CDH4: variants seen among roughly 807,000 people sequenced by gnomAD.
CDH4 encodes cadherin 4.
CDH4 carries 33 observed loss-of-function variants against 86.0 expected under a neutral mutation model. The observed-to-expected ratio is 0.38, with a 90% CI of 0.29 to 0.51. CDH4 has a LOEUF of 0.51. Among genes scored for constraint, CDH4 ranks in the 20% least tolerant of loss-of-function variants. The pLI is 0.86. For missense variants in CDH4, 1,114 were observed against 1,307.4 expected (o/e 0.85, Z 2.28); for synonymous variants, 555 against 549.4 (o/e 1.01, Z -0.14).
rs1273103607 is a variant in CDH4 at position 61,676,281 on chromosome 20, T to C, written c.170-67282T>C. On this transcript the variant is annotated intron_variant, in intron 2 of 15. Transcript: ENST00000614565. The surrounding 1 kb of genome is among the most constrained non-coding windows in gnomAD (Gnocchi z 4.5). ...GTCTATTTGCCAGCCACAAAGACAA[T>C]CTTTATAAAACTCAGGTTAGGAAAT... 6.6e-6 allele frequency among the ~76,000 whole-genome samples: 1 copy of C among 152,096 alleles called. No individual in the cohort carries two copies. Among genetic ancestry groups the C allele is most frequent in the Non-Finnish European group, 1.5e-5 (1 of 68,010 alleles).
At chr20:61,843,326 T>G (rs1982264021) in intron 4 of CDH4, among the ~76,000 whole-genome samples, 1 of 151,312 alleles carries the variant, frequency 6.6e-6, no homozygotes, top group Non-Finnish European at 1.5e-5. Context: ...GGCGGGCGCC[T>G]GTAGTCCCAG....
At chr20:61,568,146 A>T (rs2086314240) in intron 2 of CDH4, among the ~76,000 whole-genome samples, 1 of 152,178 alleles carries the variant, frequency 6.6e-6, no homozygotes, top group African/African-American at 2.4e-5. Flanking sequence ...AACCCTTCTC[A>T]TGAGAATATA....
chr20:61,826,746 C>T (rs1446061630), intron 4 of CDH4, among the ~76,000 whole-genome samples: 3 of 152,156 alleles, frequency 2.0e-5, no homozygotes, highest in Non-Finnish European at 2.9e-5. Flanking sequence ...CCGTTGATGG[C>T]CTAGGATAGC....
At chr20:61,483,820 C>T (rs74969373) in intron 2 of CDH4, among the ~76,000 whole-genome samples, 2 of 152,226 alleles carry the variant, frequency 1.3e-5, no homozygotes, top group Non-Finnish European at 2.9e-5. Flanking sequence ...TGAGCTCCGT[C>T]GAAATTGCTG....
At chr20:61,718,866 C>A (rs1444270403) in intron 2 of CDH4, 9 of 471,036 alleles carry the variant, frequency 1.9e-5, no homozygotes, top group Non-Finnish European at 3.5e-5. Flanking sequence ...ACTGTTCCTG[C>A]TGTCAGGCTG....
intron 2 of CDH4, among the ~76,000 whole-genome samples, chr20:61,553,460 T>A (rs1394469382): frequency 6.6e-6 from 1 of 152,224 alleles, no homozygotes; most frequent in Non-Finnish European, 1.5e-5. Context: ...TTCACAAAGA[T>A]TAAAAACCAG....
chr20:61,767,472 G>A (rs934993276), intron 3 of CDH4, among the ~76,000 whole-genome samples: 15 of 152,216 alleles, frequency 9.9e-5, no homozygotes, highest in African/African-American at 2.7e-4. Flanking sequence ...CAGGTGAGGC[G>A]CTGTAGATTG....
intron 4 of CDH4, among the ~76,000 whole-genome samples, chr20:61,839,415 C>CGTGT (rs528842033): frequency 2.0e-5 from 3 of 148,278 alleles, no homozygotes; most frequent in Admixed American, 1.3e-4. Context: ...TGCATGTGTG[C>CGTGT]GTGTGTGTGT....
chr20:61,555,413 T>A (rs987706473), intron 2 of CDH4, among the ~76,000 whole-genome samples: 1 of 152,188 alleles, frequency 6.6e-6, no homozygotes, highest in African/African-American at 2.4e-5. Context: ...CAGGGTAACC[T>A]TTCGCAGGAT....
chr20:61,732,275 CCAA>C (rs1218506565), intron 2 of CDH4, among the ~76,000 whole-genome samples: 2 of 152,168 alleles, frequency 1.3e-5, no homozygotes, highest in African/African-American at 4.8e-5. Flanking sequence ...CTGTGATATT[CCAA>C]ACCAACACTC....
intron 2 of CDH4, among the ~76,000 whole-genome samples, chr20:61,500,113 A>C (rs1167444331): frequency 6.6e-6 from 1 of 152,154 alleles, no homozygotes; most frequent in Non-Finnish European, 1.5e-5. Context: ...CAGGAGGAGG[A>C]GGCCCAGCCG....
chr20:61,359,830 G>T (rs781328773), intron 2 of CDH4, among the ~76,000 whole-genome samples: 120 of 152,350 alleles, frequency 7.9e-4, no homozygotes, highest in Non-Finnish European at 1.2e-3. Flanking sequence ...GCAGTTTAAA[G>T]AGAGAGGCCT....
At chr20:61,299,094 A>T (rs1052562052) in intron 2 of CDH4, among the ~76,000 whole-genome samples, 6 of 152,304 alleles carry the variant, frequency 3.9e-5, no homozygotes, top group South Asian at 4.1e-4. Flanking sequence ...GTCTTTGTAG[A>T]TGGAATCAAG....
intron 2 of CDH4, among the ~76,000 whole-genome samples, chr20:61,488,299 G>A (rs1325115186): frequency 1.3e-5 from 2 of 152,224 alleles, no homozygotes; most frequent in African/African-American, 4.8e-5. Context: ...CCACAACAGA[G>A]CTTCCTGCCT....
intron 2 of CDH4, among the ~76,000 whole-genome samples, chr20:61,268,992 T>A (rs552226908): frequency 3.3e-5 from 5 of 152,158 alleles, no homozygotes; most frequent in Non-Finnish European, 7.3e-5. Context: ...CCTGCAAATG[T>A]GATGAGGAGT....
chr20:61,881,470 A>G (rs920743056), intron 7 of CDH4, among the ~76,000 whole-genome samples: 4 of 152,234 alleles, frequency 2.6e-5, no homozygotes, highest in Non-Finnish European at 5.9e-5. Flanking sequence ...CGGCCACAAC[A>G]TGAACCGTGG....
intron 7 of CDH4, among the ~76,000 whole-genome samples, chr20:61,891,544 CCG>C (rs1568870224): frequency 6.6e-6 from 1 of 151,884 alleles, no homozygotes; most frequent in East Asian, 1.9e-4. Flanking sequence ...TCCTGCCCTT[CCG>C]AGAGGCCCCT....
intron 2 of CDH4, among the ~76,000 whole-genome samples, chr20:61,486,457 A>G (rs1208615997): frequency 2.0e-5 from 3 of 152,248 alleles, no homozygotes; most frequent in Non-Finnish European, 4.4e-5. Context: ...AGGCTGCAGG[A>G]GGACAAGACT....
chr20:61,387,067 A>C (rs948101613), intron 2 of CDH4, among the ~76,000 whole-genome samples: 4 of 152,268 alleles, frequency 2.6e-5, no homozygotes, highest in East Asian at 1.9e-4. Context: ...TTGTTTAAAA[A>C]TTATAAAAAT....
Sources: allele counts gnomAD v4.1 joint callset (sites outside exome capture counted in the v4.1 genomes callset), GRCh38; gene constraint gnomAD v4.1.1; non-coding constraint Gnocchi (gnomAD v3.1); transcripts MANE v1.5; gene names NCBI Gene and HGNC (gene_info 2026-07-23, HGNC 2026-07-21).